The following CNTNAP3B variants were observed in gnomAD, a reference collection of about 807,000 sequenced individuals.
CNTNAP3B encodes the protein contactin associated protein family member 3B.
CNTNAP3B carries 25 observed loss-of-function variants against 108.9 expected under a neutral mutation model. That is an observed-to-expected ratio of 0.23 (90% CI 0.17 to 0.32). CNTNAP3B has a LOEUF of 0.32. CNTNAP3B is among the 10% of genes least tolerant of loss of function. CNTNAP3B has a pLI of 1.00. For missense variants in CNTNAP3B, 252 were observed against 1,210.4 expected, an observed-to-expected ratio of 0.21 and a Z score of 11.75; for synonymous variants, 103 against 473.4, an observed-to-expected ratio of 0.22 and a Z score of 10.16.
intron 3 of CNTNAP3B, among the ~76,000 whole-genome samples, chr9:42,055,160 C>T (rs1349345160): frequency 7.2e-6 from 1 of 138,998 alleles, no homozygotes; most frequent in East Asian, 2.2e-4. Context: ...AATTGAAAAG[C>T]CATACGATTC....
In CNTNAP3B at chr9:42,129,212, C is replaced by T; in HGVS notation, c.-118G>A. 1.4e-6 allele frequency: 2 copies of T among 1,402,374 alleles called. No homozygotes were observed. Among genetic ancestry groups the T allele is most frequent in the Non-Finnish European group, 1.9e-6 (2 of 1,052,144 alleles). The allele number at this position is 1,402,374 out of a possible 1,614,324, so 86.9% of individuals were successfully genotyped here. ...GCGCGGCTCCGACGCTGCTCTGTCT[C>T]CCCTGTCCAGTCTCTAGCTCTCTTC... On this transcript the variant is annotated 5_prime_UTR_variant, in exon 1 of 24. Coordinates refer to ENST00000377561, the MANE Select transcript of CNTNAP3B (RefSeq NM_001201380.3).
intron 3 of CNTNAP3B, among the ~76,000 whole-genome samples, chr9:42,076,620 ACT>A (rs1827497120): frequency 8.5e-6 from 1 of 117,300 alleles, no homozygotes; most frequent in Non-Finnish European, 1.7e-5. Flanking sequence ...TCAATCTACC[ACT>A]CTAAAATACT....
At chr9:41,998,745 C>CT (rs1825953774) in intron 4 of CNTNAP3B, 141 bp from the exon 5 acceptor site, 1 of 503,090 alleles carries the variant, frequency 2.0e-6, no homozygotes, top group Non-Finnish European at 3.4e-6. Context: ...AAGGAAACAA[C>CT]TGACAATAAT....
chr9:42,109,488 G>A (rs1279512437), intron 1 of CNTNAP3B, among the ~76,000 whole-genome samples: 30 of 147,990 alleles, frequency 2.0e-4, no homozygotes, highest in Non-Finnish European at 2.5e-4. Flanking sequence ...GATTTTGTCC[G>A]TATCTGCAGA....
intron 3 of CNTNAP3B, among the ~76,000 whole-genome samples, chr9:42,045,561 A>AC (rs989828155): frequency 3.3e-5 from 3 of 90,798 alleles, no homozygotes; most frequent in South Asian, 4.4e-4. Context: ...GGGTATATAC[A>AC]CCCCCCCAAT....
chr9:41,954,577 C>G (rs1344020026), intron 12 of CNTNAP3B, among the ~76,000 whole-genome samples: 1 of 152,290 alleles, frequency 6.6e-6, no homozygotes, highest in Non-Finnish European at 1.5e-5. Context: ...AATTATCACT[C>G]CACTCACTGT....
chr9:42,054,752 G>A (rs192925623), intron 3 of CNTNAP3B, among the ~76,000 whole-genome samples: 13 of 151,414 alleles, frequency 8.6e-5, no homozygotes, highest in East Asian at 3.9e-4. Flanking sequence ...TATTTCTGTC[G>A]GGTTACATCC....
rs1358380337 is a variant in CNTNAP3B, at chr9:41,993,493, A to G, written c.1072-1622T>C. The G allele has an allele frequency of 1.8e-5, 2 of 111,090 alleles. 1 individual carries two copies. Among genetic ancestry groups the G allele is most frequent in the Non-Finnish European group, 3.8e-5 (2 of 52,980 alleles). 6.9% of individuals were successfully genotyped at this position (111,090 alleles called of 1,614,324 possible). ...CATGACAAGAAAACATTTGCAGAAG[A>G]AAATTTAAAAAAGAAAACATTTGCT... On this transcript the variant is annotated intron_variant, in intron 7 of 23. Coordinates refer to ENST00000377561, the MANE Select transcript of CNTNAP3B (RefSeq NM_001201380.3).
Position 42,094,744 on chromosome 9 carries a change from AAGGG to A in CNTNAP3B, c.196+9881_196+9884del, listed in dbSNP as rs755068295. 2.3e-3 allele frequency among the ~76,000 whole-genome samples: 184 copies of A among 81,526 alleles called. 8 individuals carry two copies. Among genetic ancestry groups the A allele is most frequent in the African/African-American group, 4.8e-3 (111 of 23,026 alleles). The allele number at this position is 81,526 out of a possible 152,430, so 53.5% of individuals were successfully genotyped here. ...GAAGGAAGGAAGGAGAAGGAGGAGG[AAGGG>A]AGGGAGGGAGGGAGGGAAGACAGAG... On this transcript the variant is annotated intron_variant, in intron 2 of 23. Transcript: ENST00000377561.
chr9:41,926,303 C>G (rs1409803106), intron 15 of CNTNAP3B, among the ~76,000 whole-genome samples: 1 of 152,152 alleles, frequency 6.6e-6, no homozygotes, highest in Non-Finnish European at 1.5e-5. Context: ...CCCTGCAGAT[C>G]CCCTAGTCCC....
intron 15 of CNTNAP3B, among the ~76,000 whole-genome samples, chr9:41,925,160 A>T (rs1823779182): frequency 2.0e-5 from 3 of 150,550 alleles, no homozygotes; most frequent in African/African-American, 7.4e-5. Context: ...AACTTTACCC[A>T]GTTTAAAATT....
Position 42,127,196 on chromosome 9 carries a change from C to T in CNTNAP3B, c.85+1814G>A, listed in dbSNP as rs1338196931. On this transcript the variant is annotated intron_variant, in intron 1 of 23. Transcript: ENST00000377561. The stretch of plus-strand genomic sequence containing the variant: ...CCACAGTAGTAGTATTGAAATTTTA[C>T]GTGTCACTCAGCAACTCGCGAGAGT... 2.2e-5 allele frequency among the ~76,000 whole-genome samples: 3 copies of T among 138,438 alleles called. 1 individual carries two copies. The highest frequency in any genetic ancestry group is 8.6e-5 in the African/African-American group (3 of 34,730). 90.8% of individuals were successfully genotyped at this position (138,438 alleles called of 152,430 possible). A position where few individuals can be genotyped will look rare whatever the true frequency, so the allele number is the denominator to read the frequency against.
chr9:42,119,895 C>G (rs1185847846), intron 1 of CNTNAP3B, among the ~76,000 whole-genome samples: 1 of 139,870 alleles, frequency 7.1e-6, no homozygotes, highest in African/African-American at 2.8e-5. Context: ...TAGGCAATAC[C>G]ATTCAGGACA....
At chr9:41,956,535 A>G (rs1320859194) in intron 12 of CNTNAP3B, among the ~76,000 whole-genome samples, 1 of 152,094 alleles carries the variant, frequency 6.6e-6, no homozygotes, top group Non-Finnish European at 1.5e-5. Context: ...ATCATATGAA[A>G]TCCCCAGCAT....
chr9:42,103,900 T>C (rs1828052424), intron 2 of CNTNAP3B, among the ~76,000 whole-genome samples: 1 of 66,952 alleles, frequency 1.5e-5, no homozygotes, highest in Non-Finnish European at 2.9e-5. Flanking sequence ...CTATCTGAGT[T>C]TGTGCTCAGA....
At chr9:41,966,574 G>A (rs1260496401) in intron 10 of CNTNAP3B, among the ~76,000 whole-genome samples, 5 of 152,254 alleles carry the variant, frequency 3.3e-5, no homozygotes, top group Non-Finnish European at 7.3e-5. Context: ...AGCCCCAGTT[G>A]GAACGCAGCA....
intron 14 of CNTNAP3B, among the ~76,000 whole-genome samples, chr9:41,935,468 C>G (rs1024494898): frequency 6.6e-6 from 1 of 152,286 alleles, no homozygotes; most frequent in African/African-American, 2.4e-5. Flanking sequence ...GTAATAAAGA[C>G]TAAGATTTAT....
chr9:42,125,520 AG>A (rs1329372312), intron 1 of CNTNAP3B, among the ~76,000 whole-genome samples: 1 of 140,584 alleles, frequency 7.1e-6, no homozygotes, highest in Non-Finnish European at 1.5e-5. Flanking sequence ...AAGAGGAAGA[AG>A]AATGCCAAGT....
At chr9:41,924,658 C>CATACATAT (rs1441479068) in intron 15 of CNTNAP3B, among the ~76,000 whole-genome samples, 1 of 73,638 alleles carries the variant, frequency 1.4e-5, no homozygotes, top group African/African-American at 3.9e-5. Context: ...CACACACACA[C>CATACATAT]ACACACACAC....
Sources: gnomAD v4.1 joint callset for allele counts (sites outside exome capture counted in the v4.1 genomes callset) on GRCh38, gnomAD v4.1.1 for gene constraint, MANE v1.5 for transcripts, NCBI Gene and HGNC (gene_info 2026-07-23, HGNC 2026-07-21) for gene names.